PARD3B: variants seen among roughly 807,000 people sequenced by gnomAD.
PARD3B encodes par-3 family cell polarity regulator beta, also known as partitioning defective 3 homolog B.
PARD3B carries 103 observed loss-of-function variants against 130.2 expected under a neutral mutation model. The observed-to-expected ratio is 0.79, with a 90% CI of 0.67 to 0.93. PARD3B has a LOEUF of 0.93. Among genes scored for constraint, PARD3B ranks in the 40% least tolerant of loss-of-function variants. The probability of loss-of-function intolerance (pLI) is 0.00; values close to 1 mark genes in which losing one functional copy is unlikely to be tolerated. For missense variants in PARD3B, 1,609 were observed against 1,499.2 expected (o/e 1.07, Z -1.21); for synonymous variants, 583 against 553.2 (o/e 1.05, Z -0.76).
chr2:205,098,898 T>C (rs1702568082), intron 4 of PARD3B, among the ~76,000 whole-genome samples: 1 of 152,154 alleles, frequency 6.6e-6, no homozygotes, highest in Non-Finnish European at 1.5e-5. Flanking sequence ...TCCAACTCAT[T>C]TTGGCTGTCA....
intron 1 of PARD3B, among the ~76,000 whole-genome samples, chr2:204,658,344 G>A (rs898735730): frequency 2.0e-5 from 3 of 151,974 alleles, no homozygotes; most frequent in Non-Finnish European, 2.9e-5. Context: ...TGTTCTTATA[G>A]ATATAAACTT....
intron 1 of PARD3B, among the ~76,000 whole-genome samples, chr2:204,605,794 G>A (rs1254240460): frequency 1.3e-5 from 2 of 152,170 alleles, no homozygotes; most frequent in African/African-American, 2.4e-5. Flanking sequence ...TCATTAGAAT[G>A]TGCTGGGACA....
chr2:204,661,030 A>G (rs2035792337), intron 1 of PARD3B, among the ~76,000 whole-genome samples: 1 of 152,206 alleles, frequency 6.6e-6, no homozygotes, highest in African/African-American at 2.4e-5. Flanking sequence ...GAGCACTGCC[A>G]GTGACTTGCC....
intron 22 of PARD3B, among the ~76,000 whole-genome samples, chr2:205,581,591 A>T (rs2053992459): frequency 6.6e-6 from 1 of 150,790 alleles, no homozygotes; most frequent in South Asian, 2.1e-4. Context: ...ATTTTTAAAT[A>T]ACTAAAACAG....
chr2:204,781,694 T>C (rs2041839218), intron 2 of PARD3B, among the ~76,000 whole-genome samples: 7 of 152,146 alleles, frequency 4.6e-5, no homozygotes, highest in Admixed American at 4.6e-4. Flanking sequence ...TAATGATTTA[T>C]TGGTTTGAAA....
intron 2 of PARD3B, among the ~76,000 whole-genome samples, chr2:204,904,541 G>A (rs922577306): frequency 4.6e-5 from 7 of 151,946 alleles, no homozygotes; most frequent in African/African-American, 1.7e-4. Flanking sequence ...TATCTACTAT[G>A]TACCTACAAA....
At chr2:205,404,543 T>C (rs2046356983) in intron 19 of PARD3B, among the ~76,000 whole-genome samples, 1 of 152,186 alleles carries the variant, frequency 6.6e-6, no homozygotes, top group Non-Finnish European at 1.5e-5. Context: ...TGTTGAACAT[T>C]TTTCCCATGT....
At chr2:205,452,789 C>T (rs910121148) in intron 20 of PARD3B, among the ~76,000 whole-genome samples, 2 of 152,148 alleles carry the variant, frequency 1.3e-5, no homozygotes, top group Non-Finnish European at 2.9e-5. Flanking sequence ...ACAATCTCCT[C>T]CTTTATTATG....
chr2:205,100,353 A>G (rs772847496), intron 4 of PARD3B, among the ~76,000 whole-genome samples: 10 of 152,108 alleles, frequency 6.6e-5, no homozygotes, highest in Non-Finnish European at 1.2e-4. Context: ...ATTAACTGTC[A>G]CTGTTAACTG....
intron 2 of PARD3B, among the ~76,000 whole-genome samples, chr2:204,896,585 T>C (rs2125697988): frequency 6.6e-6 from 1 of 152,356 alleles, no homozygotes; most frequent in Non-Finnish European, 1.5e-5. Flanking sequence ...TGAGTCCCTT[T>C]ATTCAGTTCC....
intron 19 of PARD3B, among the ~76,000 whole-genome samples, chr2:205,403,096 G>GA (rs922545900): frequency 6.6e-6 from 1 of 151,442 alleles, no homozygotes; most frequent in Non-Finnish European, 1.5e-5. Context: ...ATATGGCAAT[G>GA]AAAAAAAATA....
Position 205,209,682 on chromosome 2 carries a change from G to C in PARD3B, c.2140+16362G>C, listed in dbSNP as rs1234484908. Among the ~76,000 whole-genome samples the C allele has an allele frequency of 3.3e-5, 5 of 151,794 alleles. No individual in the cohort carries two copies. The East Asian group carries it at 9.7e-4, about 29-fold the overall frequency. ...CATAATTATCCCTTCTGAATATTTT[G>C]AATGATAAAATTTGTTATTGGCAAT... On this transcript the variant is annotated intron_variant, in intron 15 of 22. Coordinates refer to ENST00000406610, the MANE Select transcript of PARD3B (RefSeq NM_001302769.2).
At chr2:205,139,460 C>T (rs1210072821) in intron 10 of PARD3B, among the ~76,000 whole-genome samples, 3 of 151,998 alleles carry the variant, frequency 2.0e-5, no homozygotes, top group African/African-American at 7.3e-5. Flanking sequence ...GGAAACTGGG[C>T]GTATATTTTC....
At chr2:204,798,756 C>G (rs1435846929) in intron 2 of PARD3B, among the ~76,000 whole-genome samples, 1 of 152,026 alleles carries the variant, frequency 6.6e-6, no homozygotes, top group African/African-American at 2.4e-5. Context: ...GCCCTAGTTC[C>G]CAGGTGACAT....
rs1345096805 is a variant in PARD3B at position 205,185,850 on chromosome 2, G to C, written c.2011G>C (p.Asp671His). 1.9e-6 allele frequency: 3 copies of C among 1,612,824 alleles called. No individual in the cohort carries two copies. ...PHSALGLGLE[D>H]YSHSSGVDSA... Reference sequence around the variant, plus strand: ...TTCTGCTCTGGGATTGGGCCTCGAAGATTACAGCCACAGGTATTGATAAAA... The same window carrying C: ...TTCTGCTCTGGGATTGGGCCTCGAACATTACAGCCACAGGTATTGATAAAA... Residue 671 changes from aspartate to histidine, a missense_variant, in exon 14 of 23, where the codon GAT (aspartate) becomes CAT (histidine). By Grantham distance (81) the Asp-to-His change is moderately conservative. Coordinates refer to ENST00000406610, the MANE Select transcript of PARD3B (RefSeq NM_001302769.2).
intron 10 of PARD3B, among the ~76,000 whole-genome samples, chr2:205,132,400 G>C (rs1363670849): frequency 1.3e-5 from 2 of 152,098 alleles, no homozygotes; most frequent in Non-Finnish European, 2.9e-5. Context: ...TTATGGGCCA[G>C]TGAGCCTCGG....
At chr2:204,750,666 A>C (rs962255140) in intron 2 of PARD3B, among the ~76,000 whole-genome samples, 2 of 152,050 alleles carry the variant, frequency 1.3e-5, no homozygotes, top group African/African-American at 4.8e-5. Context: ...AAAAGGAAAT[A>C]TTCATGGTGT....
At chr2:205,559,813 G>A (rs756720966) in intron 22 of PARD3B, among the ~76,000 whole-genome samples, 7 of 152,088 alleles carry the variant, frequency 4.6e-5, no homozygotes, top group Middle Eastern at 3.4e-3. Flanking sequence ...TGGCCAGGGT[G>A]GTCTTGAACT....
chr2:204,718,539 C>G (rs2038846436), intron 2 of PARD3B, among the ~76,000 whole-genome samples: 1 of 152,128 alleles, frequency 6.6e-6, no homozygotes, highest in Admixed American at 6.5e-5. Context: ...CCAGTCACCT[C>G]CTGTCAGGGC....
Sources: allele counts gnomAD v4.1 joint callset (sites outside exome capture counted in the v4.1 genomes callset), GRCh38; gene constraint gnomAD v4.1.1; transcripts MANE v1.5; gene names NCBI Gene and HGNC (gene_info 2026-07-23, HGNC 2026-07-21).